The following CHM variants were observed in gnomAD, a reference collection of about 807,000 sequenced individuals.
CHM encodes rab proteins geranylgeranyltransferase component A 1.
A neutral mutation model predicts 49.0 loss-of-function variants in CHM; 10 were observed. The observed-to-expected ratio is 0.20, with a 90% CI of 0.13 to 0.35. The LOEUF (loss-of-function observed/expected upper bound fraction) is 0.35. Ranked by LOEUF, CHM falls within the 10% of genes least tolerant of loss-of-function variation. The pLI is 1.00. For synonymous variants in CHM, 184 were observed against 167.5 expected, an observed-to-expected ratio of 1.10 and a Z score of -0.76; for missense variants, 455 against 478.4, an observed-to-expected ratio of 0.95 and a Z score of 0.46.
At chrX:86,036,665 T>C (rs1160024587) in intron 1 of CHM, among the ~76,000 whole-genome samples, 1 of 112,156 alleles carries the variant, frequency 8.9e-6, no homozygotes, top group Non-Finnish European at 1.9e-5. Context: ...AAATATATTT[T>C]GGGGCTAAAT....
intron 12 of CHM, among the ~76,000 whole-genome samples, chrX:85,887,661 GT>G (rs1194532743): frequency 9.0e-6 from 1 of 111,518 alleles, no homozygotes; most frequent in Non-Finnish European, 1.9e-5. Flanking sequence ...TCCATAGATA[GT>G]TGTTTAATGG....
intron 1 of CHM, among the ~76,000 whole-genome samples, chrX:86,028,488 C>T (rs1266300588): frequency 9.0e-6 from 1 of 111,542 alleles, no homozygotes; most frequent in Non-Finnish European, 1.9e-5. Context: ...ACCAATATAG[C>T]AGTATAAAAA....
intron 8 of CHM, among the ~76,000 whole-genome samples, chrX:85,940,874 T>C (rs1255973726): frequency 9.0e-6 from 1 of 111,201 alleles, no homozygotes; most frequent in Non-Finnish European, 1.9e-5. Flanking sequence ...TAGTTTCATG[T>C]CATAACTGTT....
At chrX:85,913,609 A>G (rs186531506) in intron 8 of CHM, among the ~76,000 whole-genome samples, 1 of 110,685 alleles carries the variant, frequency 9.0e-6, no homozygotes, top group East Asian at 2.8e-4. Flanking sequence ...CAGCCCTGCC[A>G]ACCAGTTTTA....
chrX:85,919,631 T>C (rs1027896641), intron 8 of CHM, among the ~76,000 whole-genome samples: 8 of 111,606 alleles, frequency 7.2e-5, no homozygotes, highest in African/African-American at 2.6e-4. Context: ...TGTTAAGAAC[T>C]AGTGTGAATG....
At chrX:85,998,992 GT>G (rs1932575049) in intron 2 of CHM, among the ~76,000 whole-genome samples, 1 of 110,399 alleles carries the variant, frequency 9.1e-6, no homozygotes, top group African/African-American at 3.3e-5. Flanking sequence ...AGAAAAAAAG[GT>G]TTTTTTCAAA....
rs752661281 is a variant in CHM, at chrX:85,888,584, G to A, written c.1510+5604C>T. On this transcript the variant is annotated intron_variant, in intron 12 of 14. Coordinates refer to ENST00000357749, the MANE Select transcript of CHM (RefSeq NM_000390.4). ...AAGCTGGAACGAAGAAAGCAGACTG[G>A]CTAGAGAACTTGGGACCAAAGAGCA... 6.3e-5 allele frequency among the ~76,000 whole-genome samples: 7 copies of A among 111,552 alleles called. No homozygotes were observed. In the South Asian group the frequency reaches 2.7e-3, roughly 42 times the overall value.
chrX:86,023,226 C>A (rs752014911), intron 2 of CHM, among the ~76,000 whole-genome samples: 1 of 111,268 alleles, frequency 9.0e-6, no homozygotes, highest in African/African-American at 3.3e-5. Flanking sequence ...TAAAGTAATT[C>A]TTTGACCTGA....
At chrX:85,909,191 T>C (rs951348394) in intron 9 of CHM, among the ~76,000 whole-genome samples, 1 of 111,753 alleles carries the variant, frequency 8.9e-6, no homozygotes, top group African/African-American at 3.2e-5. Context: ...ACAAGACATG[T>C]CTTTCTATGA....
In CHM at chrX:86,016,929, G is replaced by A. The variant is rs190423696; in HGVS notation, c.116+10562C>T. On this transcript the variant is annotated intron_variant, in intron 2 of 14. Transcript: ENST00000357749. ...CTGTACCCTGCAGAGTTACAGGGGC[G>A]GAGCTGCCCAAGACCATGGAAACCC... Among the ~76,000 whole-genome samples the A allele has an allele frequency of 2.7e-5, 3 of 112,541 alleles. No homozygotes were observed. The Admixed American group carries it at 2.8e-4, about 10-fold the overall frequency.
chrX:85,984,685 G>GA (rs1931814771), intron 2 of CHM, among the ~76,000 whole-genome samples: 1 of 111,543 alleles, frequency 9.0e-6, no homozygotes, highest in Admixed American at 9.5e-5. Context: ...GCCCCAAACT[G>GA]ATAATAATCC....
intron 6 of CHM, 122 bp downstream of exon 6, chrX:85,958,739 C>T: frequency 3.7e-6 from 4 of 1,079,600 alleles, no homozygotes; most frequent in Non-Finnish European, 5.1e-6. Context: ...TTGTAAATCA[C>T]CACGGAGGAC....
chrX:86,027,176 A>G, intron 2 of CHM: 3 of 272,342 alleles, frequency 1.1e-5, no homozygotes, highest in African/African-American at 2.7e-5. Flanking sequence ...ATGTAGGAAA[A>G]GGGGCAGGCA....
In CHM at chrX:85,939,360, CA is replaced by C. The variant is rs202137063; in HGVS notation, c.1166+16792del. Among the ~76,000 whole-genome samples, 275 of 112,059 alleles carry C rather than the reference CA, an allele frequency of 2.5e-3. 2 individuals carry two copies. Among genetic ancestry groups the C allele is most frequent in the African/African-American group, 8.8e-3 (272 of 30,935 alleles). On this transcript the variant is annotated intron_variant, in intron 8 of 14. Coordinates refer to ENST00000357749, the MANE Select transcript of CHM (RefSeq NM_000390.4). The stretch of plus-strand genomic sequence containing the variant: ...ATGGGATTTCAGTTAATTCTTGTAA[CA>C]AAAAATAATACTTATGTTATTTTCT...
intron 8 of CHM, among the ~76,000 whole-genome samples, chrX:85,952,219 G>A (rs1929785495): frequency 9.0e-6 from 1 of 111,407 alleles, no homozygotes; most frequent in African/African-American, 3.3e-5. Context: ...CATGACCTAG[G>A]GAGAAACAGC....
In CHM at chrX:85,864,772, G is replaced by A. The variant is rs2148112008; in HGVS notation, c.1820C>T (p.Pro607Leu). The change falls in exon 15 of 15, where the codon CCT becomes CTT. Residue 607 changes from proline to leucine, a missense_variant. Physicochemically the swap from Pro to Leu is moderately conservative, Grantham distance 98. Transcript: ENST00000357749. ...EICPNEDFCP[P>L]PPNPEDIILD... ...GATAATGTCTTCAGGATTTGGTGGAGGGGGACAGAAATCTTCATTGGGGCA... is the reference window on the plus strand; with the variant it reads ...GATAATGTCTTCAGGATTTGGTGGAAGGGGACAGAAATCTTCATTGGGGCA... 1 of 1,209,255 alleles carries A rather than the reference G, an allele frequency of 8.3e-7. No homozygotes were observed. The highest frequency in any genetic ancestry group is 1.1e-6 in the Non-Finnish European group (1 of 894,045).
At chrX:86,016,653 G>A (rs1933317778) in intron 2 of CHM, among the ~76,000 whole-genome samples, 1 of 112,491 alleles carries the variant, frequency 8.9e-6, no homozygotes, top group Non-Finnish European at 1.9e-5. Context: ...GGAAATGCCG[G>A]GATACCCAGA....
In CHM at chrX:85,897,306, CGTGTGTGTGTGTGT is replaced by C. The variant is rs533191230; in HGVS notation, c.1414-3036_1414-3023del. Among the ~76,000 whole-genome samples, 742 of 76,498 alleles carry C rather than the reference CGTGTGTGTGTGTGT, an allele frequency of 9.7e-3. 5 individuals carry two copies. The highest frequency in any genetic ancestry group is 0.03 in the African/African-American group (669 of 21,944). The allele number at this position is 76,498 out of a possible 115,157, so 66.4% of individuals were successfully genotyped here. A position where few individuals can be genotyped will look rare whatever the true frequency, so the allele number is the denominator to read the frequency against. ...ATGAAATAGAAAATGCTTGTGTGTGCGTGTGTGTGTGTGTGTGTGTGTGTGTGTGTGTGTGTGTC... is the reference window on the plus strand; with the variant it reads ...ATGAAATAGAAAATGCTTGTGTGTGCGTGTGTGTGTGTGTGTGTGTGTGTC... On this transcript the variant is annotated intron_variant, in intron 11 of 14. Coordinates refer to ENST00000357749, the MANE Select transcript of CHM (RefSeq NM_000390.4).
At chrX:85,884,432 A>G (rs1358963507) in intron 12 of CHM, among the ~76,000 whole-genome samples, 3 of 110,947 alleles carry the variant, frequency 2.7e-5, no homozygotes, top group African/African-American at 9.8e-5. Context: ...TTTCACAGAT[A>G]GGAAAGCTGA....
Sources: allele counts gnomAD v4.1 joint callset (sites outside exome capture counted in the v4.1 genomes callset), GRCh38; gene constraint gnomAD v4.1.1; transcripts MANE v1.5; gene names NCBI Gene and HGNC (gene_info 2026-07-23, HGNC 2026-07-21).